CLEC16A: variants seen among roughly 807,000 people sequenced by gnomAD.
CLEC16A encodes the protein protein CLEC16A.
A neutral mutation model predicts 109.5 loss-of-function variants in CLEC16A; 51 were observed. The observed-to-expected ratio is 0.47, with a 90% CI of 0.37 to 0.59. The LOEUF is 0.59. Among genes scored for constraint, CLEC16A ranks in the 20% least tolerant of loss-of-function variants. The pLI, the probability that CLEC16A is intolerant of heterozygous loss-of-function variation, is 0.00. For synonymous variants in CLEC16A, 673 were observed against 564.2 expected (o/e 1.19, Z -2.73); for missense variants, 1,339 against 1,394.0 (o/e 0.96, Z 0.63).
At position 11,149,257 on chromosome 16, in the gene CLEC16A, G is replaced by T. The variant is rs182169911; in HGVS notation, c.2642-17131G>T. On this transcript the variant is annotated intron_variant, in intron 22 of 23. Coordinates refer to ENST00000409790, the MANE Select transcript of CLEC16A (RefSeq NM_015226.3). ...TGGGGATGAGCTGATAACAGGAATG[G>T]ATGGAACCGGTCAGCTGTTTTGCTA... Among the ~76,000 whole-genome samples the T allele has an allele frequency of 1.1e-4, 16 of 152,290 alleles. No individual in the cohort carries two copies. In the East Asian group the frequency reaches 2.9e-3, roughly 28 times the overall value.
chr16:11,157,629 A>C (rs74582495), intron 22 of CLEC16A, among the ~76,000 whole-genome samples: 1 of 152,268 alleles, frequency 6.6e-6, no homozygotes, highest in Non-Finnish European at 1.5e-5. Context: ...CCCTGCCCAC[A>C]TGTCAGTGAA....
intron 13 of CLEC16A, among the ~76,000 whole-genome samples, chr16:11,034,231 A>C (rs2046900699): frequency 6.6e-6 from 1 of 152,240 alleles, no homozygotes; most frequent in Non-Finnish European, 1.5e-5. Context: ...AAATCGGCCC[A>C]ACATCTGGTT....
rs542826317 is a variant in CLEC16A at position 11,100,104 on chromosome 16, T to TA, written c.2117-20503dup. Reference sequence around the variant, plus strand: ...ACTAGCTCTTTTCTTAACTTTTGCCTAAAAAAAATTCAATCCATGGCTTCC... The same window carrying TA: ...ACTAGCTCTTTTCTTAACTTTTGCCTAAAAAAAAATTCAATCCATGGCTTCC... On this transcript the variant is annotated intron_variant, in intron 19 of 23. Coordinates refer to ENST00000409790, the MANE Select transcript of CLEC16A (RefSeq NM_015226.3). 9.2e-5 allele frequency among the ~76,000 whole-genome samples: 14 copies of TA among 152,072 alleles called. No individual in the cohort carries two copies. The South Asian group carries it at 2.7e-3, about 29-fold the overall frequency.
intron 19 of CLEC16A, among the ~76,000 whole-genome samples, chr16:11,086,547 G>T (rs2050019200): frequency 6.6e-6 from 1 of 151,864 alleles, no homozygotes; most frequent in Admixed American, 6.6e-5. Context: ...TTGTTTGTTT[G>T]TTTGTTTGTT....
In CLEC16A at chr16:10,957,836, C is replaced by T. The variant is rs2042063343; in HGVS notation, c.135C>T (p.Asn45=). 2 of 1,613,590 alleles carry T rather than the reference C, an allele frequency of 1.2e-6. No individual in the cohort carries two copies. The highest frequency in any genetic ancestry group is 1.1e-5 in the South Asian group (1 of 91,078). Reference sequence around the variant, plus strand: ...CCACAGTCACAGAACAGAACCGGAACCTGCTAGTGGAGACCATCCGTTCCA... The same window carrying T: ...CCACAGTCACAGAACAGAACCGGAATCTGCTAGTGGAGACCATCCGTTCCA... ...KNTTVTEQNR[N]LLVETIRSIT... Residue 45 remains asparagine (N), a synonymous_variant, in exon 2 of 24, where the codon AAC becomes AAT. Coordinates refer to ENST00000409790, the MANE Select transcript of CLEC16A (RefSeq NM_015226.3).
intron 22 of CLEC16A, chr16:11,126,489 A>T: frequency 9.6e-7 from 1 of 1,040,426 alleles, no homozygotes; most frequent in Non-Finnish European, 1.3e-6. Flanking sequence ...TCCATGTAAG[A>T]TGACTAGAAA....
intron 10 of CLEC16A, among the ~76,000 whole-genome samples, chr16:10,986,042 T>C (rs2043631278): frequency 1.5e-5 from 1 of 65,078 alleles, no homozygotes; most frequent in African/African-American, 4.8e-5. Flanking sequence ...TTTTTTTTTT[T>C]TTTTTTGAGA....
intron 22 of CLEC16A, among the ~76,000 whole-genome samples, chr16:11,162,464 A>G (rs1042116715): frequency 1.3e-5 from 2 of 152,150 alleles, no homozygotes; most frequent in Non-Finnish European, 2.9e-5. Context: ...AAGGTTTACA[A>G]TAGGAGTCTT....
chr16:11,148,345 T>C (rs995725628), intron 22 of CLEC16A, among the ~76,000 whole-genome samples: 10 of 152,198 alleles, frequency 6.6e-5, no homozygotes, highest in Non-Finnish European at 1.2e-4. Flanking sequence ...TTAGGGCTAG[T>C]TGTGGCCTTT....
intron 13 of CLEC16A, chr16:11,027,758 G>A (rs2046497850): frequency 3.5e-6 from 5 of 1,432,010 alleles, no homozygotes; most frequent in Non-Finnish European, 4.8e-6. Context: ...TCCGCCAGCT[G>A]AACTAGACCC....
chr16:11,107,172 T>C (rs2051274910), intron 19 of CLEC16A, among the ~76,000 whole-genome samples: 1 of 152,200 alleles, frequency 6.6e-6, no homozygotes, highest in Non-Finnish European at 1.5e-5. Flanking sequence ...GGTAACTGAA[T>C]TTCAACAAAT....
intron 23 of CLEC16A, among the ~76,000 whole-genome samples, chr16:11,172,555 G>T (rs1200556538): frequency 2.0e-5 from 3 of 152,284 alleles, no homozygotes; most frequent in African/African-American, 2.4e-5. Context: ...TTTTTAATTT[G>T]GGGGAGCACA....
At chr16:11,132,882 G>A (rs567709126) in intron 22 of CLEC16A, among the ~76,000 whole-genome samples, 2 of 152,260 alleles carry the variant, frequency 1.3e-5, no homozygotes, top group South Asian at 4.1e-4. Context: ...AGAGGATGGG[G>A]CTGGAGGAAT....
At chr16:11,157,337 G>C (rs570856052) in intron 22 of CLEC16A, 2 of 727,324 alleles carry the variant, frequency 2.7e-6, no homozygotes, top group African/African-American at 3.7e-5. Context: ...CTGATGTGTA[G>C]ACCTGCGCCC....
intron 3 of CLEC16A, 125 bp downstream of exon 3, chr16:10,962,713 A>T (rs549317425): frequency 3.3e-4 from 339 of 1,015,644 alleles, no homozygotes; most frequent in Non-Finnish European, 3.3e-4. Context: ...AATACCATAG[A>T]CTGAGTGGGT....
chr16:10,957,643 C>A, intron 1 of CLEC16A, 139 bp from the exon 2 acceptor site: 1 of 825,842 alleles, frequency 1.2e-6, no homozygotes, highest in Non-Finnish European at 1.9e-6. Flanking sequence ...TGAGTTACAT[C>A]TAATCTGAAT....
rs2048452394 is a variant in CLEC16A, at chr16:11,061,021, G to A, written c.2115G>A (p.Leu705=). The change falls in exon 19 of 24, where the codon CTG becomes CTA. Residue 705 remains leucine (L), a splice_region_variant and synonymous_variant. Transcript: ENST00000409790. ...TCAAGACTGATGATGTCCTGGATCT[G>A]AGTGAGTTGGCTGCTCTGAGTCACA... is the stretch of plus-strand genomic sequence containing the variant. ...DLIKTDDVLD[L]NNSDLIACTV... 2.5e-6 allele frequency: 4 copies of A among 1,604,304 alleles called. No homozygotes were observed. The African/African-American group carries it at 4.0e-5, about 16-fold the overall frequency.
chr16:11,082,932 A>G (rs1460473379), intron 19 of CLEC16A, among the ~76,000 whole-genome samples: 2 of 151,998 alleles, frequency 1.3e-5, no homozygotes, highest in Admixed American at 6.6e-5. Context: ...CTCCCCATCT[A>G]AGTTTAAGGT....
intron 22 of CLEC16A, among the ~76,000 whole-genome samples, chr16:11,143,684 G>T (rs777807138): frequency 1.3e-4 from 20 of 152,186 alleles, no homozygotes; most frequent in Non-Finnish European, 2.8e-4. Context: ...AGCAGAGTAG[G>T]CTCCCCTGGG....
Sources: allele counts gnomAD v4.1 joint callset (sites outside exome capture counted in the v4.1 genomes callset), GRCh38; gene constraint gnomAD v4.1.1; transcripts MANE v1.5; gene names NCBI Gene and HGNC (gene_info 2026-07-23, HGNC 2026-07-21).